Variants in LRRC4C observed in about 807,000 individuals in gnomAD.
LRRC4C encodes the protein leucine-rich repeat-containing protein 4C.
A neutral mutation model predicts 33.6 loss-of-function variants in LRRC4C; 5 were observed. That is an observed-to-expected ratio of 0.15 (90% CI 0.08 to 0.31). The LOEUF (loss-of-function observed/expected upper bound fraction) is 0.31. LRRC4C is among the 10% of genes least tolerant of loss of function. LRRC4C has a pLI of 1.00. For synonymous variants in LRRC4C, 329 were observed against 302.0 expected, an observed-to-expected ratio of 1.09 and a Z score of -0.93; for missense variants, 560 against 796.7, an observed-to-expected ratio of 0.70 and a Z score of 3.58.
chr11:41,196,393 A>G (rs1022688132), intron 1 of LRRC4C, among the ~76,000 whole-genome samples: 1 of 152,100 alleles, frequency 6.6e-6, no homozygotes, highest in Non-Finnish European at 1.5e-5. Flanking sequence ...ACTCATCAAC[A>G]TAAGAGTAAT....
chr11:40,637,377 A>C (rs1285533178), intron 3 of LRRC4C, among the ~76,000 whole-genome samples: 2 of 152,254 alleles, frequency 1.3e-5, no homozygotes, highest in East Asian at 3.8e-4. Flanking sequence ...GAATTAAAAC[A>C]GTATAGAATT....
intron 2 of LRRC4C, among the ~76,000 whole-genome samples, chr11:40,847,185 T>C (rs1209093114): frequency 6.6e-6 from 1 of 152,194 alleles, no homozygotes; most frequent in Non-Finnish European, 1.5e-5. Context: ...AATACTATGT[T>C]GAATAGGAGT....
At chr11:40,595,200 G>T (rs1446138861) in intron 3 of LRRC4C, among the ~76,000 whole-genome samples, 1 of 151,556 alleles carries the variant, frequency 6.6e-6, no homozygotes, top group Non-Finnish European at 1.5e-5. Flanking sequence ...CCAAATCAAG[G>T]ATAAAATTTT....
intron 3 of LRRC4C, among the ~76,000 whole-genome samples, chr11:40,646,034 T>G (rs1272464599): frequency 1.8e-4 from 5 of 28,454 alleles, no homozygotes; most frequent in East Asian, 4.0e-3. Flanking sequence ...CCTCAGTGTT[T>G]TTTTTTTTTT....
rs766140320 is a variant in LRRC4C at position 41,004,936 on chromosome 11, T to C, written c.-495-71213A>G. The stretch of plus-strand genomic sequence containing the variant: ...AAGATGGTTAGAAAACAGAAAAAAA[T>C]GCTGGGAAAATCAGCTTAGTTCTTC... On this transcript the variant is annotated intron_variant, in intron 1 of 6. Transcript: ENST00000528697. 7.9e-5 allele frequency among the ~76,000 whole-genome samples: 12 copies of C among 152,050 alleles called. 1 individual carries two copies. The highest frequency in any genetic ancestry group is 2.7e-4 in the African/African-American group (11 of 41,406).
At position 40,627,343 on chromosome 11, in the gene LRRC4C, T is replaced by A. The variant is rs73467795; in HGVS notation, c.-270+20799A>T. ...ATGAGGCAGAGGAAATAGCGAATGT[T>A]GAAACATCAATTATGATTTTCGGAG... On this transcript the variant is annotated intron_variant, in intron 3 of 6. Transcript: ENST00000528697. Among the ~76,000 whole-genome samples, 27 of 152,182 alleles carry A rather than the reference T, an allele frequency of 1.8e-4. 1 individual carries two copies. Among genetic ancestry groups the A allele is most frequent in the African/African-American group, 6.5e-4 (27 of 41,518 alleles).
intron 1 of LRRC4C, among the ~76,000 whole-genome samples, chr11:40,984,385 AAGAAAG>A (rs750209845): frequency 0.023 from 3,124 of 136,210 alleles, 141 homozygotes; most frequent in African/African-American, 0.1. Context: ...GAAAGAAAGA[AAGAAAG>A]AAAGAAAGAA....
intron 2 of LRRC4C, among the ~76,000 whole-genome samples, chr11:40,929,426 G>T (rs1174093673): frequency 6.6e-6 from 1 of 152,036 alleles, no homozygotes; most frequent in Non-Finnish European, 1.5e-5. Context: ...ACAAAGTAGT[G>T]CAACTATTGG....
intron 4 of LRRC4C, among the ~76,000 whole-genome samples, chr11:40,280,672 G>A (rs1468140837): frequency 6.6e-6 from 1 of 152,136 alleles, no homozygotes; most frequent in East Asian, 1.9e-4. Context: ...GGTTAAGAGA[G>A]TGGGCTCACT....
chr11:41,068,028 G>A (rs1938386548), intron 1 of LRRC4C, among the ~76,000 whole-genome samples: 3 of 152,020 alleles, frequency 2.0e-5, no homozygotes, highest in Non-Finnish European at 4.4e-5. Flanking sequence ...AAATCCAAAA[G>A]CTAGCAGAAA....
chr11:41,034,606 CGTATATATATATATATAT>C (rs1225682160), intron 1 of LRRC4C, among the ~76,000 whole-genome samples: 1 of 108,476 alleles, frequency 9.2e-6, no homozygotes, highest in African/African-American at 4.0e-5. Flanking sequence ...AATATGGTGA[CGTATATATATATATATAT>C]ATATATATAT....
chr11:40,299,012 C>T (rs909671971), intron 4 of LRRC4C, among the ~76,000 whole-genome samples: 1 of 152,084 alleles, frequency 6.6e-6, no homozygotes, highest in Non-Finnish European at 1.5e-5. Context: ...CAGAGCCAGA[C>T]CATATCAGGA....
At chr11:40,128,328 A>G (rs1856408780) in intron 6 of LRRC4C, among the ~76,000 whole-genome samples, 1 of 152,126 alleles carries the variant, frequency 6.6e-6, no homozygotes, top group Admixed American at 6.5e-5. Flanking sequence ...CTTTTTCTGT[A>G]TTCACCTGCA....
intron 3 of LRRC4C, among the ~76,000 whole-genome samples, chr11:40,437,536 G>A (rs1450987246): frequency 1.3e-5 from 2 of 151,716 alleles, no homozygotes; most frequent in African/African-American, 2.4e-5. Flanking sequence ...TGGGATTACA[G>A]GTGCATGCCA....
At chr11:40,939,233 A>C (rs1958037393) in intron 1 of LRRC4C, among the ~76,000 whole-genome samples, 1 of 152,136 alleles carries the variant, frequency 6.6e-6, no homozygotes, top group Non-Finnish European at 1.5e-5. Flanking sequence ...AATGAGATTT[A>C]ATTTTAAAAA....
chr11:41,192,545 C>G (rs988387183), intron 1 of LRRC4C, among the ~76,000 whole-genome samples: 8 of 151,824 alleles, frequency 5.3e-5, no homozygotes, highest in Non-Finnish European at 5.9e-5. Context: ...CTGGTTATTA[C>G]CAAATAAATA....
chr11:40,163,308 A>G (rs984735006), intron 5 of LRRC4C, among the ~76,000 whole-genome samples: 1 of 152,220 alleles, frequency 6.6e-6, no homozygotes, highest in African/African-American at 2.4e-5. Context: ...CTTAGTAAAG[A>G]TTGCCTGTCT....
chr11:41,381,097 T>A (rs887054148), intron 1 of LRRC4C, among the ~76,000 whole-genome samples: 2 of 152,082 alleles, frequency 1.3e-5, no homozygotes, highest in Admixed American at 6.6e-5. Context: ...CCTGGGCATA[T>A]AGAGAAGCGA....
At chr11:41,249,103 C>T (rs1295767252) in intron 1 of LRRC4C, among the ~76,000 whole-genome samples, 3 of 151,104 alleles carry the variant, frequency 2.0e-5, no homozygotes, top group Admixed American at 6.6e-5. Context: ...GGCACGATCT[C>T]GGCTCACTGC....
Sources: gnomAD v4.1 joint callset for allele counts (sites outside exome capture counted in the v4.1 genomes callset) on GRCh38, gnomAD v4.1.1 for gene constraint, MANE v1.5 for transcripts, NCBI Gene and HGNC (gene_info 2026-07-23, HGNC 2026-07-21) for gene names.